Variants in IFT122 observed in about 807,000 individuals in gnomAD.
The protein encoded by IFT122 is intraflagellar transport 122, also known as intraflagellar transport protein 122 homolog.
In IFT122, 118 loss-of-function variants were observed where a neutral mutation model predicts 161.6. That is an observed-to-expected ratio of 0.73 (90% CI 0.63 to 0.85). IFT122 has a LOEUF of 0.85. Ranked by LOEUF, IFT122 falls within the 40% of genes least tolerant of loss-of-function variation. The pLI, the probability that IFT122 is intolerant of heterozygous loss-of-function variation, is 0.00. For missense variants in IFT122, 1,381 were observed against 1,579.6 expected (o/e 0.87, Z 2.13); for synonymous variants, 550 against 602.4 (o/e 0.91, Z 1.27).
chr3:129,487,297 T>C (rs879747318), intron 15 of IFT122, among the ~76,000 whole-genome samples: 3 of 152,204 alleles, frequency 2.0e-5, no homozygotes, highest in Non-Finnish European at 4.4e-5. Context: ...TATGCACATA[T>C]ACACGCGTGC....
intron 12 of IFT122, among the ~76,000 whole-genome samples, chr3:129,478,525 G>A (rs939428776): frequency 1.3e-4 from 20 of 152,144 alleles, no homozygotes; most frequent in African/African-American, 4.6e-4. Flanking sequence ...CACAATTATG[G>A]CTCACTGCAG....
chr3:129,519,717 C>A lies in IFT122; in HGVS notation c.3621C>A (p.Cys1207Ter). 1.9e-6 allele frequency: 3 copies of A among 1,613,652 alleles called. No homozygotes were observed. Among genetic ancestry groups the A allele is most frequent in the Non-Finnish European group, 2.5e-6 (3 of 1,180,012 alleles). ...TGCCTGACGCCTCCATTACCATGTGCCCCTCCTGCTTCCAGGTAGGTGGCC... is the reference window on the plus strand; with the variant it reads ...TGCCTGACGCCTCCATTACCATGTGACCCTCCTGCTTCCAGGTAGGTGGCC... ...SLLPDASITMCPSCFQMFHSE... is the reference protein window; with the variant it reads ...SLLPDASITM Residue 1207 changes from cysteine to a stop codon, truncating the protein, a stop_gained, in exon 29 of 30, where the codon TGC becomes TGA. Transcript: ENST00000348417. LOFTEE classifies it high-confidence loss of function.
chr3:129,481,505 A>C, intron 13 of IFT122, 25 bp from the exon 14 acceptor site: 1 of 1,486,952 alleles, frequency 6.7e-7, no homozygotes, highest in Non-Finnish European at 9.4e-7. Flanking sequence ...GGTGACTGAC[A>C]CTGTTTTCGC....
intron 12 of IFT122, among the ~76,000 whole-genome samples, chr3:129,478,523 T>C (rs576540254): frequency 6.6e-6 from 1 of 152,354 alleles, no homozygotes; most frequent in African/African-American, 2.4e-5. Flanking sequence ...GGCACAATTA[T>C]GGCTCACTGC....
intron 1 of IFT122, among the ~76,000 whole-genome samples, chr3:129,443,092 A>C (rs60925130): frequency 0.077 from 11,663 of 152,204 alleles, 506 homozygotes; most frequent in South Asian, 0.1. Flanking sequence ...CCACATGTCC[A>C]CATGTCTTTA....
intron 23 of IFT122, 60 bp from the exon 24 acceptor site, chr3:129,512,252 G>A: frequency 1.7e-6 from 2 of 1,196,708 alleles, no homozygotes; most frequent in Non-Finnish European, 2.5e-6. Flanking sequence ...CTGCCTTTTG[G>A]CCTGGCCCAG....
At chr3:129,457,371 C>T (rs2075635322) in intron 3 of IFT122, among the ~76,000 whole-genome samples, 1 of 152,164 alleles carries the variant, frequency 6.6e-6, no homozygotes, top group Non-Finnish European at 1.5e-5. Flanking sequence ...CTGCTGTGTC[C>T]CTGAGGTCCC....
At position 129,518,182 on chromosome 3, in the gene IFT122, C is replaced by G. The variant is rs193225253; in HGVS notation, c.3391+588C>G. Among the ~76,000 whole-genome samples, 36 of 152,334 alleles carry G rather than the reference C, an allele frequency of 2.4e-4. No individual in the cohort carries two copies. In the East Asian group the frequency reaches 6.6e-3, roughly 28 times the overall value. On this transcript the variant is annotated intron_variant, in intron 27 of 29. Transcript: ENST00000348417. ...CAGAGATGTCAGGAGCAGTGCCAGCCCCACATCCCCTCAGCCTTATAGCCC... is the reference window on the plus strand; with the variant it reads ...CAGAGATGTCAGGAGCAGTGCCAGCGCCACATCCCCTCAGCCTTATAGCCC...
chr3:129,452,944 G>A (rs1370552825), intron 3 of IFT122, among the ~76,000 whole-genome samples: 2 of 152,132 alleles, frequency 1.3e-5, no homozygotes, highest in African/African-American at 4.8e-5. Context: ...TGGATTGTCT[G>A]ACAGATTGGA....
chr3:129,506,529 A>G lies in IFT122; in HGVS notation c.2771A>G (p.Gln924Arg). ...AAYYYWMLSM[Q>R]CLDIAQDPAQ... ...TATTATTACTGGATGCTGTCCATGC[A>G]GTGCCTCGATATAGCTCAAGGTGTG... Residue 924 changes from glutamine to arginine, a missense_variant, in exon 22 of 30, where the codon CAG becomes CGG. Physicochemically the swap from Gln to Arg is conservative, Grantham distance 43. Coordinates refer to ENST00000348417, the MANE Select transcript of IFT122 (RefSeq NM_052989.3). 15 of 1,614,240 alleles carry G rather than the reference A, an allele frequency of 9.3e-6. No individual in the cohort carries two copies. The highest frequency in any genetic ancestry group is 1.3e-5 in the Non-Finnish European group (15 of 1,180,038).
At position 129,483,520 on chromosome 3, in the gene IFT122, G is replaced by A. The variant is rs199806189; in HGVS notation, c.1689G>A (p.Gln563=). 6.2e-7 allele frequency: 1 copy of A among 1,613,998 alleles called. No homozygotes were observed. The highest frequency in any genetic ancestry group is 1.3e-5 in the African/African-American group (1 of 74,910). ...PNANSVAWNT[Q]CEDMLCFSGG... ...CCAACAGTGTAGCTTGGAACACCCAGTGTGAGGACATGCTCTGCTTCTCGG... is the reference window on the plus strand; with the variant it reads ...CCAACAGTGTAGCTTGGAACACCCAATGTGAGGACATGCTCTGCTTCTCGG... Residue 563 remains glutamine (Q), a synonymous_variant, in exon 15 of 30, where the codon CAG becomes CAA. Coordinates refer to ENST00000348417, the MANE Select transcript of IFT122 (RefSeq NM_052989.3).
intron 16 of IFT122, 144 bp from the exon 17 acceptor site, chr3:129,491,997 C>T (rs965641717): frequency 3.4e-5 from 26 of 757,944 alleles, no homozygotes; most frequent in Admixed American, 2.4e-4. Context: ...ACCTCCTGCA[C>T]GCACGATGAT....
chr3:129,442,043 G>A (rs2073245600), intron 1 of IFT122, among the ~76,000 whole-genome samples: 1 of 152,058 alleles, frequency 6.6e-6, no homozygotes, highest in Admixed American at 6.6e-5. Flanking sequence ...CAGAAGCTAG[G>A]AATCTGGGTT....
intron 25 of IFT122, chr3:129,515,105 T>A: frequency 2.5e-6 from 1 of 398,840 alleles, no homozygotes; most frequent in South Asian, 2.2e-5. Flanking sequence ...GCACCTTGGG[T>A]TCCCCCTTTC....
intron 1 of IFT122, among the ~76,000 whole-genome samples, chr3:129,448,930 C>T (rs1254190316): frequency 6.6e-6 from 1 of 152,170 alleles, no homozygotes; most frequent in African/African-American, 2.4e-5. Flanking sequence ...AACTCCTGAC[C>T]TCAAGTCTTC....
At chr3:129,473,952 A>T (rs1044391911) in intron 9 of IFT122, among the ~76,000 whole-genome samples, 3 of 152,176 alleles carry the variant, frequency 2.0e-5, no homozygotes, top group African/African-American at 7.2e-5. Flanking sequence ...GATTGGTCCG[A>T]TGGGAACTAG....
At chr3:129,479,691 A>G in intron 12 of IFT122, 94 bp from the exon 13 acceptor site, 2 of 1,471,088 alleles carry the variant, frequency 1.4e-6, no homozygotes, top group Non-Finnish European at 1.9e-6. Context: ...ATGTGTAGGT[A>G]TTTTCTCCCC....
chr3:129,451,984 C>G lies in IFT122; in HGVS notation c.179C>G (p.Ala60Gly). ...CACAAAGACACTGTGTACTGTGTGG[C>G]ATATGCGAAGGATGGTAAAAGGCTG... ...KGHKDTVYCV[A>G]YAKDGKRFAS... The change falls in exon 3 of 30, where the codon GCA becomes GGA. Residue 60 changes from alanine (A) to glycine (G), a missense_variant. Around this residue, in one of 7 missense-constraint regions of IFT122, gnomAD observed 134 missense variants for 137.4 expected, o/e 0.98. Coordinates refer to ENST00000348417, the MANE Select transcript of IFT122 (RefSeq NM_052989.3). 6.2e-7 allele frequency: 1 copy of G among 1,612,974 alleles called. No individual in the cohort carries two copies. Among genetic ancestry groups the G allele is most frequent in the Non-Finnish European group, 8.5e-7 (1 of 1,178,924 alleles).
chr3:129,483,922 G>A (rs1392881065), intron 15 of IFT122: 2 of 578,810 alleles, frequency 3.5e-6, no homozygotes, highest in African/African-American at 1.9e-5. Flanking sequence ...TCCCCTTTCT[G>A]TAGGGATGGG....
Sources: allele counts gnomAD v4.1 joint callset (sites outside exome capture counted in the v4.1 genomes callset), GRCh38; gene constraint gnomAD v4.1.1; regional missense constraint gnomAD v4.1.1; transcripts MANE v1.5; gene names NCBI Gene and HGNC (gene_info 2026-07-23, HGNC 2026-07-21).